The following ACE variants were observed in gnomAD, a reference collection of about 807,000 sequenced individuals.
ACE encodes the protein angiotensin I converting enzyme, also known as angiotensin-converting enzyme.
In ACE, 122 loss-of-function variants were observed where a neutral mutation model predicts 162.3. That is an observed-to-expected ratio of 0.75 (90% CI 0.65 to 0.87). ACE has a LOEUF of 0.87. ACE is among the 40% of genes least tolerant of loss of function. ACE has a pLI of 0.00. For missense variants in ACE, 1,799 were observed against 1,735.1 expected (o/e 1.04, Z -0.65); for synonymous variants, 796 against 720.6 (o/e 1.10, Z -1.68).
intron 1 of ACE, 102 bp downstream of exon 1, chr17:63,477,445 C>A: frequency 1.0e-6 from 1 of 964,892 alleles, no homozygotes; most frequent in Non-Finnish European, 1.3e-6. Flanking sequence ...CCGACCCGAA[C>A]CCCACCCCGA....
chr17:63,496,708 GC>G, intron 23 of ACE, 89 bp from the exon 24 acceptor site: 5 of 1,593,094 alleles, frequency 3.1e-6, no homozygotes, highest in Non-Finnish European at 4.3e-6. Flanking sequence ...ACAAGTTTCA[GC>G]TGGGAGTGGG....
rs1011457490 is a variant in ACE, at chr17:63,494,567, A to G, written c.3380+97A>G. On this transcript the variant is annotated intron_variant, in intron 22 of 24. Coordinates refer to ENST00000290866, the MANE Select transcript of ACE (RefSeq NM_000789.4). ...GCCCGGTCCACAAGCTCTGTCAGTC[A>G]GGGCAGACCCGGGGGAGCCGGCCGC... 71 of 1,171,302 alleles carry G rather than the reference A, an allele frequency of 6.1e-5. No individual in the cohort carries two copies. In the African/African-American group the frequency reaches 8.3e-4, roughly 14 times the overall value. 72.6% of individuals were successfully genotyped at this position (1,171,302 alleles called of 1,614,324 possible).
intron 5 of ACE, among the ~76,000 whole-genome samples, chr17:63,480,830 T>A (rs1459606424): frequency 6.6e-6 from 1 of 152,212 alleles, no homozygotes; most frequent in African/African-American, 2.4e-5. Context: ...AAACAAGCAC[T>A]GTGGCCCTGC....
chr17:63,478,038 G>A lies in ACE; in HGVS notation c.357G>A (p.Arg119=). The A allele has an allele frequency of 1.2e-6, 2 of 1,606,442 alleles. No homozygotes were observed. The highest frequency in any genetic ancestry group is 1.7e-6 in the Non-Finnish European group (2 of 1,176,866). The change falls in exon 2 of 25, where the codon AGG becomes AGA. Residue 119 remains arginine (R), a synonymous_variant. Coordinates refer to ENST00000290866, the MANE Select transcript of ACE (RefSeq NM_000789.4). ...WQNFTDPQLR[R]IIGAVRTLGS... ...ACTTCACGGACCCGCAGCTGCGCAG[G>A]ATCATCGGAGCTGTGCGCACCCTGG... is the stretch of plus-strand genomic sequence containing the variant.
chr17:63,484,305 C>T lies in ACE; in HGVS notation c.1710-25C>T, dbSNP rs781667096. 6.2e-7 allele frequency: 1 copy of T among 1,602,778 alleles called. No individual in the cohort carries two copies. Among genetic ancestry groups the T allele is most frequent in the Non-Finnish European group, 8.5e-7 (1 of 1,176,890 alleles). ...AGACTCCAGCCTGAGTCCCCTGTGC[C>T]CATGGTACCCACTCTGCCCACCAGG... is the stretch of plus-strand genomic sequence containing the variant. On this transcript the variant is annotated intron_variant, in intron 11 of 24. Coordinates refer to ENST00000290866, the MANE Select transcript of ACE (RefSeq NM_000789.4). This position sits in a 1 kb window ranked among gnomAD's most constrained non-coding sequence, Gnocchi z 4.0.
intron 17 of ACE, 192 bp from the exon 18 acceptor site, chr17:63,490,742 GCCCCCACCTAGAGCCAGGCA>G: frequency 1.7e-6 from 1 of 595,196 alleles, no homozygotes; most frequent in South Asian, 1.8e-5. Context: ...AACCAGCAAG[GCCCCCACCTAGAGCCAGGCA>G]GTAATGACCT....
At chr17:63,493,370 T>G in intron 19 of ACE, 66 bp from the exon 20 acceptor site, 3 of 1,480,126 alleles carry the variant, frequency 2.0e-6, no homozygotes, top group Middle Eastern at 2.1e-4. Context: ...GGCCCACTGT[T>G]CCCTTATGCC....
At chr17:63,486,816 T>A in intron 14 of ACE, 101 bp downstream of exon 14, 1 of 1,544,248 alleles carries the variant, frequency 6.5e-7, no homozygotes, top group Non-Finnish European at 8.9e-7. Context: ...CCTCGTTGTA[T>A]CAAGTCATGG....
At chr17:63,483,641 C>A in intron 10 of ACE, 83 bp downstream of exon 10, 1 of 1,376,986 alleles carries the variant, frequency 7.3e-7, no homozygotes, top group Non-Finnish European at 1.0e-6. Context: ...GCTGCCTCAT[C>A]CCCAGGGCTT....
In ACE at chr17:63,483,567, G is replaced by GCGGGGGGGGGGGCCCCCCCCCCCCCCCCC; in HGVS notation, c.1586+10_1586+11insGGGGGGGGGGGCCCCCCCCCCCCCCCCCC. 1 of 1,589,470 alleles carries GCGGGGGGGGGGGCCCCCCCCCCCCCCCCC rather than the reference G, an allele frequency of 6.3e-7. No individual in the cohort carries two copies. The highest frequency in any genetic ancestry group is 8.6e-7 in the Non-Finnish European group (1 of 1,165,608). On this transcript the variant is annotated intron_variant, in intron 10 of 24. Coordinates refer to ENST00000290866, the MANE Select transcript of ACE (RefSeq NM_000789.4). Reference sequence around the variant, plus strand: ...GTGACACCATACATCAGGTATTAGCGCCCCCACCCCACCCACCCCCAGTAC... The same window carrying GCGGGGGGGGGGGCCCCCCCCCCCCCCCCC: ...GTGACACCATACATCAGGTATTAGCGCGGGGGGGGGGGCCCCCCCCCCCCCCCCCCCCCCACCCCACCCACCCCCAGTAC...
At chr17:63,496,148 T>C (rs1404169420) in intron 22 of ACE, 2 of 543,022 alleles carry the variant, frequency 3.7e-6, no homozygotes, top group Non-Finnish European at 6.7e-6. Context: ...CCCTCCTGAG[T>C]TGTGGAGGCA....
chr17:63,493,038 G>A (rs1032241915), intron 19 of ACE, among the ~76,000 whole-genome samples: 1 of 152,194 alleles, frequency 6.6e-6, no homozygotes, highest in African/African-American at 2.4e-5. Flanking sequence ...GACAGAAACA[G>A]TTGTTTCCTT....
At chr17:63,477,517 T>A in intron 1 of ACE, 174 bp downstream of exon 1, 1 of 348,206 alleles carries the variant, frequency 2.9e-6, no homozygotes, top group Non-Finnish European at 4.2e-6. Context: ...GCGCACGGCC[T>A]GCGCTCCCAG....
Position 63,486,710 on chromosome 17 carries a change from G to T in ACE, c.2212G>T (p.Glu738Ter). The T allele has an allele frequency of 6.2e-7, 1 of 1,614,172 alleles. No homozygotes were observed. Among genetic ancestry groups the T allele is most frequent in the Non-Finnish European group, 8.5e-7 (1 of 1,180,008 alleles). Residue 738 changes from glutamate (E) to a stop codon, truncating the protein, a stop_gained, in exon 14 of 25, where the codon GAG becomes TAG. Coordinates refer to ENST00000290866, the MANE Select transcript of ACE (RefSeq NM_000789.4). LOFTEE classifies it high-confidence loss of function. ...ERAALPAQEL[E>*]EYNKILLDME... Reference sequence around the variant, plus strand: ...GGCAGCACTGCCTGCCCAGGAGCTGGAGGAGGTGTGTGGCTCGCAAGGTAC... The same window carrying T: ...GGCAGCACTGCCTGCCCAGGAGCTGTAGGAGGTGTGTGGCTCGCAAGGTAC...
At chr17:63,495,243 G>A (rs1057013211) in intron 22 of ACE, among the ~76,000 whole-genome samples, 4 of 152,284 alleles carry the variant, frequency 2.6e-5, no homozygotes, top group East Asian at 3.9e-4. Flanking sequence ...TGTGTGCCCC[G>A]GGAGAGCACT....
Position 63,486,841 on chromosome 17 carries a change from T to A in ACE, c.2217+126T>A. On this transcript the variant is annotated intron_variant, in intron 14 of 24. Coordinates refer to ENST00000290866, the MANE Select transcript of ACE (RefSeq NM_000789.4). ...TCAAGTCATGGCATCTGCCATGCGA[T>A]GTGCACCTCAGAACTGCTGAGAGGG... 2.0e-6 allele frequency: 3 copies of A among 1,487,910 alleles called. No individual in the cohort carries two copies. The African/African-American group carries it at 4.1e-5, about 21-fold the overall frequency. 92.2% of individuals were successfully genotyped at this position (1,487,910 alleles called of 1,614,324 possible).
At position 63,477,323 on chromosome 17, in the gene ACE, G is replaced by T; in HGVS notation, c.229G>T (p.Ala77Ser). 7.3e-7 allele frequency: 1 copy of T among 1,375,456 alleles called. No individual in the cohort carries two copies. 85.2% of individuals were successfully genotyped at this position (1,375,456 alleles called of 1,614,324 possible). ...CTGGGCGCACGACACCAACATCACC[G>T]CGGAGAATGCAAGGCGCCAGGTGGG... ...ASWAHDTNIT[A>S]ENARRQEEAA... The change falls in exon 1 of 25, where the codon GCG becomes TCG. Residue 77 changes from alanine (A) to serine (S), a missense_variant. Coordinates refer to ENST00000290866, the MANE Select transcript of ACE (RefSeq NM_000789.4).
intron 3 of ACE, 133 bp from the exon 4 acceptor site, chr17:63,479,636 C>G (rs2049674065): frequency 3.2e-6 from 4 of 1,237,512 alleles, no homozygotes; most frequent in Non-Finnish European, 4.6e-6. Flanking sequence ...CTGTAGGTGG[C>G]CCCTGTCTCT....
At chr17:63,497,068 G>GGCCCTGCCCCGCACCCTT (rs780307611) in intron 24 of ACE, 69 bp from the exon 25 acceptor site, 26 of 1,587,420 alleles carry the variant, frequency 1.6e-5, no homozygotes, top group Admixed American at 7.1e-5. Context: ...CTCGGAGCCT[G>GGCCCTGCCCCGCACCCTT]GCCCTGCCCC....
Sources: allele counts gnomAD v4.1 joint callset (sites outside exome capture counted in the v4.1 genomes callset), GRCh38; gene constraint gnomAD v4.1.1; non-coding constraint Gnocchi (gnomAD v3.1); transcripts MANE v1.5; gene names NCBI Gene and HGNC (gene_info 2026-07-23, HGNC 2026-07-21).